The following PRPF18 variants were observed in gnomAD, a reference collection of about 807,000 sequenced individuals.
PRPF18 encodes pre-mRNA processing factor 18.
PRPF18 carries 38 observed loss-of-function variants against 46.5 expected under a neutral mutation model. The observed-to-expected ratio is 0.82, with a 90% CI of 0.63 to 1.07. PRPF18 has a LOEUF of 1.07. Ranked by LOEUF, PRPF18 falls within the 50% of genes least tolerant of loss-of-function variation. The probability of loss-of-function intolerance (pLI) is 0.00; values close to 1 mark genes in which losing one functional copy is unlikely to be tolerated. For synonymous variants in PRPF18, 152 were observed against 146.7 expected, an observed-to-expected ratio of 1.04 and a Z score of -0.26; for missense variants, 263 against 410.0, an observed-to-expected ratio of 0.64 and a Z score of 3.10.
chr10:13,643,812 TTC>T, the PRPF18 span: 3 of 152,780 alleles, frequency 2.0e-5, no homozygotes, highest in African/African-American at 4.8e-5. Context: ...AAAAGCAGAT[TTC>T]TTTTTTTAAT....
At chr10:13,595,406 A>ACAT (rs71388104) in intron 1 of PRPF18, among the ~76,000 whole-genome samples, 123,307 of 151,880 alleles carry the variant, frequency 0.81, 50,167 homozygotes, top group East Asian at 0.91. Context: ...TTCTTTCTAC[A>ACAT]CAGCCCTTTC....
At chr10:13,654,103 A>C in the PRPF18 span, 1 of 524,368 alleles carries the variant, frequency 1.9e-6, no homozygotes, top group Non-Finnish European at 3.3e-6. Context: ...AGTATAATCC[A>C]AACCGAAATG....
chr10:13,617,150 T>G (rs555010656), intron 9 of PRPF18, among the ~76,000 whole-genome samples: 1 of 152,222 alleles, frequency 6.6e-6, no homozygotes, highest in African/African-American at 2.4e-5. Flanking sequence ...TCGACTATAA[T>G]GTAGTGTTTG....
chr10:13,626,658 T>C (rs551688826), intron 9 of PRPF18, among the ~76,000 whole-genome samples: 1 of 152,250 alleles, frequency 6.6e-6, no homozygotes, highest in Non-Finnish European at 1.5e-5. Context: ...AACCAAGCAC[T>C]GTCAGTATAG....
chr10:13,608,853 A>G (rs10796100), intron 4 of PRPF18, among the ~76,000 whole-genome samples: 47,659 of 152,118 alleles, frequency 0.31, 9,125 homozygotes, highest in East Asian at 0.74. Context: ...GGATTATAGT[A>G]ATCAATTATT....
chr10:13,605,797 A>G, intron 4 of PRPF18, 53 bp downstream of exon 4: 1 of 1,523,524 alleles, frequency 6.6e-7, no homozygotes, highest in Non-Finnish European at 8.8e-7. Flanking sequence ...ATTCACTAGA[A>G]TAGAGTTTGA....
the PRPF18 span, chr10:13,648,232 T>A: frequency 1.3e-5 from 2 of 152,244 alleles, no homozygotes; most frequent in South Asian, 4.1e-4. Context: ...AGAAGCAAAG[T>A]AAGAAAAGGC....
At chr10:13,610,823 A>C (rs1008884429) in intron 5 of PRPF18, among the ~76,000 whole-genome samples, 1 of 152,186 alleles carries the variant, frequency 6.6e-6, no homozygotes, top group Admixed American at 6.5e-5. Context: ...TGGCTGTCCT[A>C]GTCTACACCC....
intron 4 of PRPF18, 63 bp from the exon 5 acceptor site, chr10:13,609,976 A>G (rs1406091028): frequency 6.8e-7 from 1 of 1,461,166 alleles, no homozygotes; most frequent in Non-Finnish European, 9.3e-7. Flanking sequence ...GAAAAATCAA[A>G]GGTGAAAAAA....
downstream of PRPF18, among the ~76,000 whole-genome samples, chr10:13,635,174 A>T (rs528523694): frequency 6.6e-6 from 1 of 152,252 alleles, no homozygotes; most frequent in East Asian, 1.9e-4. Context: ...TGTAAGTTTG[A>T]TAAGGATAAT....
chr10:13,587,274 T>TACCAGGGGTAGTG, intron 1 of PRPF18, 122 bp downstream of exon 1: 2 of 1,048,764 alleles, frequency 1.9e-6, no homozygotes, highest in Non-Finnish European at 2.9e-6. Flanking sequence ...GCGAGTGTCC[T>TACCAGGGGTAGTG]GCCACTACCC....
At chr10:13,626,455 A>G (rs1224319721) in intron 9 of PRPF18, among the ~76,000 whole-genome samples, 8 of 152,192 alleles carry the variant, frequency 5.3e-5, no homozygotes, top group Admixed American at 2.0e-4. Flanking sequence ...GCTTTGAACG[A>G]TATTTGTGTA....
chr10:13,601,119 T>C (rs931031998), intron 3 of PRPF18, among the ~76,000 whole-genome samples: 4 of 152,154 alleles, frequency 2.6e-5, no homozygotes, highest in Non-Finnish European at 5.9e-5. Context: ...TGATGATCAT[T>C]TAGATTGCTT....
chr10:13,636,351 C>T, the PRPF18 span, among the ~76,000 whole-genome samples: 1 of 152,058 alleles, frequency 6.6e-6, no homozygotes, highest in Non-Finnish European at 1.5e-5. Flanking sequence ...CCCAGGAGGT[C>T]GAGGCTGTAG....
chr10:13,612,614 G>A (rs1236776911), intron 6 of PRPF18, among the ~76,000 whole-genome samples: 1 of 147,158 alleles, frequency 6.8e-6, no homozygotes, highest in Non-Finnish European at 1.5e-5. Flanking sequence ...GGAAGAAGAG[G>A]GTTCTAGCTT....
chr10:13,640,110 A>C, the PRPF18 span: 1 of 152,180 alleles, frequency 6.6e-6, no homozygotes. Flanking sequence ...CTGAGGTACC[A>C]GTTACCAGGA....
At chr10:13,619,514 T>C (rs1398561506) in intron 9 of PRPF18, among the ~76,000 whole-genome samples, 1 of 152,210 alleles carries the variant, frequency 6.6e-6, no homozygotes, top group African/African-American at 2.4e-5. Flanking sequence ...CTCATTCTTT[T>C]CTGCCATTTT....
At chr10:13,632,389 C>G (rs563238404), downstream of PRPF18, among the ~76,000 whole-genome samples, 6 of 152,056 alleles carry the variant, frequency 3.9e-5, no homozygotes, top group African/African-American at 1.4e-4. Context: ...AACTTACCAG[C>G]GCAAGTGAGA....
the PRPF18 span, among the ~76,000 whole-genome samples, chr10:13,650,317 G>T: frequency 6.6e-6 from 1 of 152,170 alleles, no homozygotes; most frequent in Non-Finnish European, 1.5e-5. Context: ...TAGGGGATGA[G>T]GCCCTCTAGA....
Sources: allele counts gnomAD v4.1 joint callset (sites outside exome capture counted in the v4.1 genomes callset), GRCh38; gene constraint gnomAD v4.1.1; transcripts MANE v1.5; gene names NCBI Gene and HGNC (gene_info 2026-07-23, HGNC 2026-07-21).